GRIN2A: variants seen among roughly 807,000 people sequenced by gnomAD.
GRIN2A encodes glutamate receptor ionotropic, NMDA 2A.
GRIN2A carries 22 observed loss-of-function variants against 113.4 expected under a neutral mutation model. The ratio of observed to expected loss-of-function variants is 0.19; its 90% CI spans 0.14 to 0.28. The LOEUF is 0.28. GRIN2A is among the 10% of genes least tolerant of loss of function. GRIN2A has a pLI of 1.00. For synonymous variants in GRIN2A, 827 were observed against 738.4 expected, an observed-to-expected ratio of 1.12 and a Z score of -1.94; for missense variants, 1,502 against 1,887.0, an observed-to-expected ratio of 0.80 and a Z score of 3.78.
chr16:10,128,905 A>T (rs1202910908), intron 2 of GRIN2A, among the ~76,000 whole-genome samples: 3 of 152,248 alleles, frequency 2.0e-5, no homozygotes, highest in Non-Finnish European at 4.4e-5. Flanking sequence ...CCCAGCTATT[A>T]ACAATAGTAT....
Position 9,913,360 on chromosome 16 carries a change from A to G in GRIN2A, c.1008-22260T>C, listed in dbSNP as rs529980499. ...TAGAGTCTTCACTCTTTTTCTCCAGACAGGATCTTGAATTTGCAGAATGAG... is the reference window on the plus strand; with the variant it reads ...TAGAGTCTTCACTCTTTTTCTCCAGGCAGGATCTTGAATTTGCAGAATGAG... On this transcript the variant is annotated intron_variant, in intron 3 of 12. Coordinates refer to ENST00000330684, the MANE Select transcript of GRIN2A (RefSeq NM_001134407.3). Among the ~76,000 whole-genome samples, 4 of 152,316 alleles carry G rather than the reference A, an allele frequency of 2.6e-5. No individual in the cohort carries two copies. The East Asian group carries it at 7.7e-4, about 29-fold the overall frequency.
At chr16:9,990,563 G>GCACA (rs71157799) in intron 2 of GRIN2A, among the ~76,000 whole-genome samples, 1,549 of 124,436 alleles carry the variant, frequency 0.012, 22 homozygotes, top group Non-Finnish European at 0.013. Context: ...GCGCGCGCGC[G>GCACA]CACACACACA....
intron 2 of GRIN2A, among the ~76,000 whole-genome samples, chr16:10,015,235 A>T (rs2046580704): frequency 7.3e-6 from 1 of 136,980 alleles, no homozygotes; most frequent in Non-Finnish European, 1.6e-5. Flanking sequence ...CCTGGGCAAC[A>T]GAGCAAGACT....
Position 9,799,803 on chromosome 16 carries a change from C to T in GRIN2A, c.2169-1339G>A, listed in dbSNP as rs184493089. On this transcript the variant is annotated intron_variant, in intron 10 of 12. Transcript: ENST00000330684. ...TACACTTATTTTTATTGAGGTATAACGTATGTGTAATAAAATGCTTGATGA... is the reference window on the plus strand; with the variant it reads ...TACACTTATTTTTATTGAGGTATAATGTATGTGTAATAAAATGCTTGATGA... Among the ~76,000 whole-genome samples, 254 of 152,034 alleles carry T rather than the reference C, an allele frequency of 1.7e-3. 3 individuals carry two copies. The highest frequency in any genetic ancestry group is 0.015 in the Admixed American group (226 of 15,264).
intron 2 of GRIN2A, among the ~76,000 whole-genome samples, chr16:10,164,447 C>G (rs368712348): frequency 6.6e-6 from 1 of 152,214 alleles, no homozygotes; most frequent in South Asian, 2.1e-4. Flanking sequence ...CCATCCCTAC[C>G]GTTCCCCACA....
At chr16:10,097,728 C>A (rs1213773513) in intron 2 of GRIN2A, among the ~76,000 whole-genome samples, 1 of 152,130 alleles carries the variant, frequency 6.6e-6, no homozygotes, top group Non-Finnish European at 1.5e-5. Flanking sequence ...TTCTTAAGAC[C>A]CTTCATCTAA....
chr16:10,137,370 T>C (rs1070483), intron 2 of GRIN2A, among the ~76,000 whole-genome samples: 86,929 of 152,078 alleles, frequency 0.57, 25,619 homozygotes, highest in East Asian at 0.87. Context: ...AGTCACATTC[T>C]TGCCCCCTAC....
At chr16:10,038,382 G>C (rs895856480) in intron 2 of GRIN2A, among the ~76,000 whole-genome samples, 1 of 152,072 alleles carries the variant, frequency 6.6e-6, no homozygotes, top group Non-Finnish European at 1.5e-5. Context: ...CTCTTGTCTA[G>C]ACCTGTGTTT....
At chr16:10,005,033 T>G (rs2141851869) in intron 2 of GRIN2A, among the ~76,000 whole-genome samples, 1 of 152,280 alleles carries the variant, frequency 6.6e-6, no homozygotes, top group East Asian at 1.9e-4. Context: ...AAACGAAAAT[T>G]TATTTTTATA....
At chr16:10,084,694 C>G (rs1262768133) in intron 2 of GRIN2A, among the ~76,000 whole-genome samples, 2 of 152,064 alleles carry the variant, frequency 1.3e-5, no homozygotes, top group Non-Finnish European at 2.9e-5. Flanking sequence ...TCTCCCTCAT[C>G]TGACTTTTCT....
chr16:10,142,420 G>A (rs995048502), intron 2 of GRIN2A, among the ~76,000 whole-genome samples: 3 of 152,194 alleles, frequency 2.0e-5, no homozygotes, highest in East Asian at 3.9e-4. Context: ...AAAGTGACCA[G>A]GCATAGTGGC....
intron 2 of GRIN2A, among the ~76,000 whole-genome samples, chr16:10,105,968 G>GTATA (rs113378205): frequency 4.0e-5 from 6 of 151,592 alleles, no homozygotes; most frequent in Non-Finnish European, 7.4e-5. Flanking sequence ...ATATGCAAAG[G>GTATA]TATATGTATA....
intron 2 of GRIN2A, among the ~76,000 whole-genome samples, chr16:10,026,673 C>T (rs1325868521): frequency 2.7e-5 from 4 of 147,286 alleles, no homozygotes; most frequent in Non-Finnish European, 4.5e-5. Flanking sequence ...AAGAAGACCA[C>T]CACCAGCAGA....
At position 9,798,276 on chromosome 16, in the gene GRIN2A, C is replaced by T. The variant is rs2141230207; in HGVS notation, c.2356+1G>A. 6.2e-7 allele frequency: 1 copy of T among 1,613,014 alleles called. No homozygotes were observed. The highest frequency in any genetic ancestry group is 8.5e-7 in the Non-Finnish European group (1 of 1,179,174). On this transcript the variant is annotated splice_donor_variant, in intron 11 of 12. Coordinates refer to ENST00000330684, the MANE Select transcript of GRIN2A (RefSeq NM_001134407.3). LOFTEE classifies it high-confidence loss of function. ...AAGAAAGGGGTCACCCGGGGTCTTA[C>T]CATCACCCACAAACTGAAGCAAGGC...
At chr16:9,879,273 G>A (rs1274088103) in intron 4 of GRIN2A, among the ~76,000 whole-genome samples, 1 of 152,146 alleles carries the variant, frequency 6.6e-6, no homozygotes, top group Non-Finnish European at 1.5e-5. Flanking sequence ...GGATTTGGGA[G>A]AAGAAAGAAA....
intron 2 of GRIN2A, among the ~76,000 whole-genome samples, chr16:10,097,161 C>A (rs1347069347): frequency 6.6e-6 from 1 of 152,202 alleles, no homozygotes; most frequent in African/African-American, 2.4e-5. Flanking sequence ...GAGCCTTAGG[C>A]AGCAGTCTCT....
At position 9,926,058 on chromosome 16, in the gene GRIN2A, A is replaced by G. The variant is rs546242597; in HGVS notation, c.1007+11901T>C. Among the ~76,000 whole-genome samples, 32 of 152,234 alleles carry G rather than the reference A, an allele frequency of 2.1e-4. No individual in the cohort carries two copies. The South Asian group carries it at 6.0e-3, about 29-fold the overall frequency. On this transcript the variant is annotated intron_variant, in intron 3 of 12. Transcript: ENST00000330684. The stretch of plus-strand genomic sequence containing the variant: ...ATGTCATAACGCCACTGCACACCCC[A>G]CCAGAGCAAATATTTTCTTCCAACC...
At chr16:10,005,805 A>G (rs1198227546) in intron 2 of GRIN2A, among the ~76,000 whole-genome samples, 1 of 152,220 alleles carries the variant, frequency 6.6e-6, no homozygotes, top group African/African-American at 2.4e-5. Flanking sequence ...TTTTAAACCT[A>G]AGACAAAAAG....
chr16:9,927,437 G>A (rs1166467826), intron 3 of GRIN2A, among the ~76,000 whole-genome samples: 1 of 152,186 alleles, frequency 6.6e-6, no homozygotes, highest in Non-Finnish European at 1.5e-5. Context: ...GAGGAAGTCA[G>A]TTAGAGAAAA....
Sources: gnomAD v4.1 joint callset for allele counts (sites outside exome capture counted in the v4.1 genomes callset) on GRCh38, gnomAD v4.1.1 for gene constraint, MANE v1.5 for transcripts, NCBI Gene and HGNC (gene_info 2026-07-23, HGNC 2026-07-21) for gene names.